The following KCNMA1 variants were observed in gnomAD, a reference collection of about 807,000 sequenced individuals.
KCNMA1 encodes the protein potassium calcium-activated channel subfamily M alpha 1.
A neutral mutation model predicts 140.0 loss-of-function variants in KCNMA1; 29 were observed. The ratio of observed to expected loss-of-function variants is 0.21; its 90% CI spans 0.15 to 0.28. The LOEUF is 0.28. Among genes scored for constraint, KCNMA1 ranks in the 10% least tolerant of loss-of-function variants. The pLI, the probability that KCNMA1 is intolerant of heterozygous loss-of-function variation, is 1.00. For synonymous variants in KCNMA1, 612 were observed against 611.9 expected, an observed-to-expected ratio of 1.00 and a Z score of 0.00; for missense variants, 880 against 1,602.2, an observed-to-expected ratio of 0.55 and a Z score of 7.70.
chr10:77,436,518 G>A (rs1000383940), intron 1 of KCNMA1, among the ~76,000 whole-genome samples: 3 of 152,172 alleles, frequency 2.0e-5, no homozygotes, highest in Non-Finnish European at 4.4e-5. Context: ...CCATTGGTTC[G>A]CCAAGCTTTG....
intron 17 of KCNMA1, 187 bp from the exon 18 acceptor site, chr10:77,012,230 G>A: frequency 6.8e-7 from 1 of 1,473,290 alleles, no homozygotes; most frequent in Non-Finnish European, 9.0e-7. Context: ...TCAAACACAG[G>A]ATTCTGTGAT....
chr10:77,051,242 A>G (rs1383809215), intron 14 of KCNMA1, among the ~76,000 whole-genome samples: 1 of 152,188 alleles, frequency 6.6e-6, no homozygotes, highest in African/African-American at 2.4e-5. Flanking sequence ...CTATCGCCAT[A>G]CAATATGGCC....
intron 19 of KCNMA1, among the ~76,000 whole-genome samples, chr10:76,975,855 G>C (rs926634969): frequency 2.0e-5 from 3 of 152,114 alleles, no homozygotes; most frequent in Admixed American, 2.0e-4. Context: ...TGTTGCCCAG[G>C]CTGGTGTGCA....
chr10:77,296,908 TG>T (rs781675116), intron 2 of KCNMA1, among the ~76,000 whole-genome samples: 4 of 80,266 alleles, frequency 5.0e-5, no homozygotes, highest in Non-Finnish European at 1.3e-4. Flanking sequence ...CCTGGGTGTG[TG>T]GGCGGGGGGG....
intron 9 of KCNMA1, among the ~76,000 whole-genome samples, chr10:77,093,896 T>C (rs1348545062): frequency 1.3e-5 from 2 of 152,204 alleles, no homozygotes; most frequent in African/African-American, 2.4e-5. Flanking sequence ...CCATGTGAGA[T>C]TCATACTCTG....
At chr10:77,514,848 C>G (rs923917303) in intron 1 of KCNMA1, among the ~76,000 whole-genome samples, 2 of 152,196 alleles carry the variant, frequency 1.3e-5, no homozygotes, top group Non-Finnish European at 2.9e-5. Flanking sequence ...TGCCTCTTCA[C>G]TCACGTCTAG....
chr10:77,005,734 T>G (rs1225373413), intron 18 of KCNMA1, among the ~76,000 whole-genome samples: 7 of 152,334 alleles, frequency 4.6e-5, no homozygotes, highest in South Asian at 2.1e-4. Context: ...TTTATGTGCT[T>G]TTCTTCACCA....
At chr10:76,923,012 A>G (rs1199503905) in intron 23 of KCNMA1, among the ~76,000 whole-genome samples, 5 of 152,192 alleles carry the variant, frequency 3.3e-5, no homozygotes, top group African/African-American at 1.2e-4. Context: ...ACTAACAGTG[A>G]CATTTTTAGC....
At chr10:77,192,238 T>C (rs1598372097) in intron 3 of KCNMA1, among the ~76,000 whole-genome samples, 1 of 152,144 alleles carries the variant, frequency 6.6e-6, no homozygotes, top group African/African-American at 2.4e-5. Context: ...CTTTATAAAT[T>C]TCTCAATAAA....
chr10:77,098,498 A>G (rs1218052302), intron 9 of KCNMA1, among the ~76,000 whole-genome samples: 1 of 151,776 alleles, frequency 6.6e-6, no homozygotes, highest in Non-Finnish European at 1.5e-5. Flanking sequence ...TCAGAGCTGC[A>G]TCTCTGGTTC....
intron 2 of KCNMA1, among the ~76,000 whole-genome samples, chr10:77,378,055 G>C (rs1342449707): frequency 6.6e-6 from 1 of 152,206 alleles, no homozygotes; most frequent in East Asian, 1.9e-4. Flanking sequence ...AATGAGTTCA[G>C]AGAAGTCCCT....
chr10:77,548,150 G>A (rs2061885007), intron 1 of KCNMA1, among the ~76,000 whole-genome samples: 1 of 152,044 alleles, frequency 6.6e-6, no homozygotes, highest in African/African-American at 2.4e-5. Flanking sequence ...AAAAAAAATG[G>A]CCCCTGAGTT....
intron 2 of KCNMA1, among the ~76,000 whole-genome samples, chr10:77,261,483 T>A (rs887222177): frequency 2.6e-5 from 4 of 152,174 alleles, no homozygotes; most frequent in African/African-American, 9.7e-5. Context: ...GCAGGAGTGT[T>A]GTCCTACATC....
intron 25 of KCNMA1, chr10:76,905,227 A>T (rs1346835554): frequency 6.6e-6 from 1 of 152,220 alleles, no homozygotes; most frequent in East Asian, 1.9e-4. Flanking sequence ...CAAGCCAAGT[A>T]CTATGCCAAT....
chr10:77,332,372 C>A (rs956712293), intron 2 of KCNMA1, among the ~76,000 whole-genome samples: 2 of 152,156 alleles, frequency 1.3e-5, no homozygotes, highest in African/African-American at 4.8e-5. Context: ...TCTCAGCCAC[C>A]CACCCAACAT....
Position 77,636,974 on chromosome 10 carries a change from C to T in KCNMA1, c.378+291G>A, listed in dbSNP as rs1486891424. The T allele has an allele frequency of 2.3e-5, 33 of 1,410,930 alleles. No homozygotes were observed. In the African/African-American group the frequency reaches 3.1e-4, roughly 13 times the overall value. 87.4% of individuals were successfully genotyped at this position (1,410,930 alleles called of 1,614,324 possible). A position where few individuals can be genotyped will look rare whatever the true frequency, so the allele number is the denominator to read the frequency against. On this transcript the variant is annotated intron_variant, in intron 1 of 27. Transcript: ENST00000286628. ...CACGGCACCCGAGCCTGTGAGTCCC[C>T]GACCCCGGCCCCAGCCGCAGCCGCC...
At chr10:77,278,030 T>C (rs1359671279) in intron 2 of KCNMA1, among the ~76,000 whole-genome samples, 1 of 152,210 alleles carries the variant, frequency 6.6e-6, no homozygotes, top group Non-Finnish European at 1.5e-5. Context: ...GCTGAGTTTC[T>C]CAAGTCTGTC....
chr10:77,420,976 T>C (rs1173808507), intron 1 of KCNMA1, among the ~76,000 whole-genome samples: 2 of 152,242 alleles, frequency 1.3e-5, no homozygotes, highest in Non-Finnish European at 2.9e-5. Flanking sequence ...AGTCACATCA[T>C]GCCTGTGCTT....
rs368531423 is a variant in KCNMA1, at chr10:77,595,929, C to T, written c.378+41336G>A. ...CCTCCCAAAGTGCTGGGATTACAGG[C>T]GTGAGCCACTGCCCCCAGCCCAGAT... On this transcript the variant is annotated intron_variant, in intron 1 of 27. Coordinates refer to ENST00000286628, the MANE Select transcript of KCNMA1 (RefSeq NM_001161352.2). 6.6e-5 allele frequency among the ~76,000 whole-genome samples: 10 copies of T among 152,226 alleles called. No individual in the cohort carries two copies. The East Asian group carries it at 1.2e-3, about 18-fold the overall frequency.
Sources: gnomAD v4.1 joint callset for allele counts (sites outside exome capture counted in the v4.1 genomes callset) on GRCh38, gnomAD v4.1.1 for gene constraint, MANE v1.5 for transcripts, NCBI Gene and HGNC (gene_info 2026-07-23, HGNC 2026-07-21) for gene names.